Variants in ABTB2 observed in about 807,000 individuals in gnomAD.
ABTB2 encodes the protein ankyrin repeat and BTB domain containing 2, also known as ankyrin repeat and BTB/POZ domain-containing protein 2.
Under a neutral mutation model 104.1 loss-of-function variants are expected in ABTB2, and 56 were observed. The observed-to-expected ratio is 0.54, with a 90% confidence interval of 0.43 to 0.67. The LOEUF is 0.67. ABTB2 is among the 30% of genes least tolerant of loss of function. The pLI is 0.00. For synonymous variants in ABTB2, 606 were observed against 608.2 expected, an observed-to-expected ratio of 1.00 and a Z score of 0.05; for missense variants, 1,279 against 1,407.7, an observed-to-expected ratio of 0.91 and a Z score of 1.46.
At chr11:34,283,655 G>A (rs1312153455) in intron 1 of ABTB2, among the ~76,000 whole-genome samples, 1 of 152,218 alleles carries the variant, frequency 6.6e-6, no homozygotes, top group Admixed American at 6.5e-5. Flanking sequence ...CATGGGTCAG[G>A]ACAGAATATT....
At chr11:34,179,394 G>A (rs1852997557) in intron 3 of ABTB2, among the ~76,000 whole-genome samples, 1 of 152,204 alleles carries the variant, frequency 6.6e-6, no homozygotes, top group Non-Finnish European at 1.5e-5. Flanking sequence ...ACACTTTGAG[G>A]ACTGTTGCTG....
chr11:34,313,945 G>C (rs752743569), intron 1 of ABTB2, among the ~76,000 whole-genome samples: 18 of 152,208 alleles, frequency 1.2e-4, no homozygotes, highest in Non-Finnish European at 2.5e-4. Flanking sequence ...CTCCTTCAAG[G>C]TGGGGCAGGT....
chr11:34,337,268 T>C (rs1855202692), intron 1 of ABTB2, among the ~76,000 whole-genome samples: 1 of 152,044 alleles, frequency 6.6e-6, no homozygotes, highest in South Asian at 2.1e-4. Context: ...AGGGGCTGTG[T>C]AGGGAAGGAG....
At chr11:34,332,565 G>A (rs1310703329) in intron 1 of ABTB2, among the ~76,000 whole-genome samples, 1 of 152,130 alleles carries the variant, frequency 6.6e-6, no homozygotes, top group Admixed American at 6.5e-5. Context: ...GGAGGAGCTA[G>A]AAAAACTGGC....
chr11:34,266,477 C>A (rs374304728), intron 1 of ABTB2, among the ~76,000 whole-genome samples: 1 of 152,192 alleles, frequency 6.6e-6, no homozygotes, highest in African/African-American at 2.4e-5. Context: ...CCAATCCCTG[C>A]CAGCCCTGAC....
At chr11:34,323,428 A>G (rs531108029) in intron 1 of ABTB2, among the ~76,000 whole-genome samples, 1 of 152,330 alleles carries the variant, frequency 6.6e-6, no homozygotes, top group South Asian at 2.1e-4. Context: ...GAAAGCATTT[A>G]GCAACTAGGG....
At chr11:34,333,717 C>G (rs1298915917) in intron 1 of ABTB2, among the ~76,000 whole-genome samples, 1 of 152,176 alleles carries the variant, frequency 6.6e-6, no homozygotes, top group Non-Finnish European at 1.5e-5. Context: ...GATTGTGTCA[C>G]TGCACTCCAG....
chr11:34,284,533 AGG>A (rs1218675979), intron 1 of ABTB2, among the ~76,000 whole-genome samples: 3 of 152,168 alleles, frequency 2.0e-5, no homozygotes, highest in Non-Finnish European at 4.4e-5. Context: ...GCCTGCAAAC[AGG>A]AATTATTGAC....
At chr11:34,172,418 A>ATATATATATG (rs55819950) in intron 4 of ABTB2, among the ~76,000 whole-genome samples, 2,200 of 83,638 alleles carry the variant, frequency 0.026, 149 homozygotes, top group Non-Finnish European at 0.037. Context: ...ATATATATAT[A>ATATATATATG]TGTGTGTGTG....
chr11:34,245,811 G>C (rs1237448914), intron 1 of ABTB2, among the ~76,000 whole-genome samples: 3 of 152,318 alleles, frequency 2.0e-5, no homozygotes, highest in African/African-American at 7.2e-5. Flanking sequence ...CACCAGTAGA[G>C]GTGAAAAGCC....
At chr11:34,202,382 G>A (rs1853353068) in intron 2 of ABTB2, among the ~76,000 whole-genome samples, 2 of 152,218 alleles carry the variant, frequency 1.3e-5, no homozygotes, top group Admixed American at 1.3e-4. Context: ...CAGCTGGAGT[G>A]CAGTCCACAG....
At chr11:34,187,417 T>C (rs1366519102) in intron 3 of ABTB2, among the ~76,000 whole-genome samples, 2 of 152,066 alleles carry the variant, frequency 1.3e-5, no homozygotes, top group African/African-American at 4.8e-5. Flanking sequence ...GTGATAAGGC[T>C]AAATTTCGTA....
At chr11:34,271,325 C>T (rs1263550639) in intron 1 of ABTB2, among the ~76,000 whole-genome samples, 2 of 152,210 alleles carry the variant, frequency 1.3e-5, no homozygotes, top group South Asian at 4.1e-4. Flanking sequence ...CTCTTTCAAA[C>T]CCTCACTGTG....
intron 7 of ABTB2, among the ~76,000 whole-genome samples, chr11:34,166,670 C>T (rs552631732): frequency 2.6e-5 from 4 of 152,232 alleles, no homozygotes; most frequent in Admixed American, 6.5e-5. Context: ...AGTAAGTGCA[C>T]GTGGCTGGAG....
chr11:34,333,734 T>C (rs1590259971), intron 1 of ABTB2, among the ~76,000 whole-genome samples: 1 of 152,154 alleles, frequency 6.6e-6, no homozygotes, highest in Non-Finnish European at 1.5e-5. Context: ...CCAGCCTGGA[T>C]GACAAGAGTG....
intron 1 of ABTB2, chr11:34,335,904 C>A (rs186036114): frequency 1.2e-5 from 9 of 761,642 alleles, no homozygotes; most frequent in Non-Finnish European, 2.0e-5. Flanking sequence ...GACAATCCTG[C>A]GGTTGAAAAG....
In ABTB2 at chr11:34,319,539, C is replaced by G. The variant is rs560373705; in HGVS notation, c.883+37162G>C. Reference sequence around the variant, plus strand: ...GTCACCTCTGAAGTCATTACCAAGGCGGGCTGTGGAGTCAGCCAGACCTGA... The same window carrying G: ...GTCACCTCTGAAGTCATTACCAAGGGGGGCTGTGGAGTCAGCCAGACCTGA... On this transcript the variant is annotated intron_variant, in intron 1 of 16. Coordinates refer to ENST00000435224, the MANE Select transcript of ABTB2 (RefSeq NM_145804.3). Among the ~76,000 whole-genome samples, 331 of 152,332 alleles carry G rather than the reference C, an allele frequency of 2.2e-3. 1 individual carries two copies. Among genetic ancestry groups the G allele is most frequent in the African/African-American group, 7.0e-3 (290 of 41,584 alleles).
chr11:34,172,857 C>T (rs1852902782), intron 4 of ABTB2, among the ~76,000 whole-genome samples: 1 of 152,186 alleles, frequency 6.6e-6, no homozygotes, highest in Non-Finnish European at 1.5e-5. Context: ...CCCTCAGTCC[C>T]CAAGTATCCC....
At position 34,154,456 on chromosome 11, in the gene ABTB2, G is replaced by A. The variant is rs557372519; in HGVS notation, c.2767-78C>T. On this transcript the variant is annotated intron_variant, in intron 15 of 16. Transcript: ENST00000435224. The surrounding 1 kb of genome is among the most constrained non-coding windows in gnomAD (Gnocchi z 4.9). Reference sequence around the variant, plus strand: ...AGACAGCACCGAACAGAAAGCTCCCGAGTGCCGTGTGCCCTGCTGCCTCCA... The same window carrying A: ...AGACAGCACCGAACAGAAAGCTCCCAAGTGCCGTGTGCCCTGCTGCCTCCA... The A allele has an allele frequency of 2.5e-5, 27 of 1,099,230 alleles. No individual in the cohort carries two copies. Among genetic ancestry groups the A allele is most frequent in the Non-Finnish European group, 3.2e-5 (24 of 744,832 alleles). 68.1% of individuals were successfully genotyped at this position (1,099,230 alleles called of 1,614,324 possible).
Sources: allele counts gnomAD v4.1 joint callset (sites outside exome capture counted in the v4.1 genomes callset), GRCh38; gene constraint gnomAD v4.1.1; non-coding constraint Gnocchi (gnomAD v3.1); transcripts MANE v1.5; gene names NCBI Gene and HGNC (gene_info 2026-07-23, HGNC 2026-07-21).